Variants in APBB2 observed in about 807,000 individuals in gnomAD.
APBB2 encodes the protein Fe65-like 1.
In APBB2, 38 loss-of-function variants were observed where a neutral mutation model predicts 82.5. The observed-to-expected ratio is 0.46, with a 90% confidence interval of 0.36 to 0.60. The LOEUF (loss-of-function observed/expected upper bound fraction) is 0.60. APBB2 is among the 20% of genes least tolerant of loss of function. APBB2 has a pLI of 0.00. For missense variants in APBB2, 772 were observed against 972.3 expected (o/e 0.79, Z 2.74); for synonymous variants, 341 against 368.2 (o/e 0.93, Z 0.85).
At chr4:40,989,003 A>C (rs1407439848) in intron 6 of APBB2, among the ~76,000 whole-genome samples, 1 of 151,864 alleles carries the variant, frequency 6.6e-6, no homozygotes, top group Non-Finnish European at 1.5e-5. Context: ...CACGTGATCC[A>C]CCCGCCTTGG....
At chr4:40,838,085 G>A (rs1455691547) in intron 12 of APBB2, among the ~76,000 whole-genome samples, 1 of 150,964 alleles carries the variant, frequency 6.6e-6, no homozygotes, top group Non-Finnish European at 1.5e-5. Context: ...CACTCAATAG[G>A]GGCTTAATCC....
rs1036736176 is a variant in APBB2 at position 40,822,126 on chromosome 4, G to T, written c.1933-76C>A. On this transcript the variant is annotated intron_variant, in intron 16 of 17. Coordinates refer to ENST00000508593, the MANE Select transcript of APBB2 (RefSeq NM_004307.2). ...TAAGAGTGGCAGCACATAGGAACTG[G>T]CATTCAGAAAGTATAGCCAGGCCGA... 8 of 1,541,904 alleles carry T rather than the reference G, an allele frequency of 5.2e-6. No homozygotes were observed. In the African/African-American group the frequency reaches 8.3e-5, roughly 16 times the overall value.
rs1386445665 is a variant in APBB2, at chr4:40,827,132, C to T, written c.1732G>A (p.Val578Ile). ...ANVNLDVPLQVDFPTPKTELV... is the reference protein window; with the variant it reads ...ANVNLDVPLQIDFPTPKTELV... ...AAGACATGAGGTGCCACTGACTTAC[C>T]TTGCAAAGGGACATCGAGGTTCACA... Residue 578 changes from valine (V) to isoleucine (I), a missense_variant and splice_region_variant, in exon 14 of 18, where the codon GTA becomes ATA. Transcript: ENST00000508593. 1.9e-6 allele frequency: 3 copies of T among 1,613,988 alleles called. No individual in the cohort carries two copies. Among genetic ancestry groups the T allele is most frequent in the Non-Finnish European group, 2.5e-6 (3 of 1,179,898 alleles).
At chr4:40,884,603 C>T (rs1343946485) in intron 12 of APBB2, among the ~76,000 whole-genome samples, 1 of 151,890 alleles carries the variant, frequency 6.6e-6, no homozygotes, top group Non-Finnish European at 1.5e-5. Flanking sequence ...AAAGTGAGAC[C>T]CCGTATCTAC....
At chr4:41,185,335 G>C (rs1772602429) in intron 1 of APBB2, among the ~76,000 whole-genome samples, 1 of 152,130 alleles carries the variant, frequency 6.6e-6, no homozygotes, top group Non-Finnish European at 1.5e-5. Flanking sequence ...TGTGTACTAA[G>C]TTTTCCTAAG....
At chr4:40,842,548 A>G in intron 12 of APBB2, 5 of 329,818 alleles carry the variant, frequency 1.5e-5, no homozygotes, top group South Asian at 1.1e-4. Flanking sequence ...GGTCAACTGT[A>G]TCACCCAGAA....
chr4:40,851,909 G>A (rs933092085), intron 12 of APBB2, among the ~76,000 whole-genome samples: 7 of 151,744 alleles, frequency 4.6e-5, no homozygotes, highest in African/African-American at 1.7e-4. Context: ...ATAAGGAAAT[G>A]GCTTCTCTAG....
chr4:40,838,568 C>T (rs1302910189), intron 12 of APBB2, among the ~76,000 whole-genome samples: 3 of 152,162 alleles, frequency 2.0e-5, no homozygotes, highest in African/African-American at 4.8e-5. Flanking sequence ...ATCTCCTGAC[C>T]TCGTGATCCG....
chr4:40,971,915 G>T (rs1430265746), intron 6 of APBB2, among the ~76,000 whole-genome samples: 1 of 152,072 alleles, frequency 6.6e-6, no homozygotes, highest in Admixed American at 6.6e-5. Context: ...GTTCAGATTT[G>T]AGCTTCAACT....
intron 10 of APBB2, among the ~76,000 whole-genome samples, chr4:40,933,631 T>C (rs1207328681): frequency 1.3e-5 from 2 of 151,834 alleles, no homozygotes; most frequent in East Asian, 1.9e-4. Context: ...TCTTCCGCGG[T>C]AGAGGGCAGT....
At chr4:40,838,578 G>A (rs866547563) in intron 12 of APBB2, among the ~76,000 whole-genome samples, 19 of 152,138 alleles carry the variant, frequency 1.2e-4, no homozygotes, top group South Asian at 4.2e-4. Flanking sequence ...CTCGTGATCC[G>A]CCTGCCTCGG....
At chr4:41,173,397 G>C (rs7683632) in intron 1 of APBB2, among the ~76,000 whole-genome samples, 7,273 of 152,188 alleles carry the variant, frequency 0.048, 372 homozygotes, top group African/African-American at 0.14. Context: ...AACCAAATAC[G>C]GAGATTTCTT....
intron 1 of APBB2, among the ~76,000 whole-genome samples, chr4:41,150,265 T>C (rs1191045261): frequency 6.6e-6 from 1 of 152,198 alleles, no homozygotes. Context: ...GTGAAAAACA[T>C]GTATTAAGTG....
chr4:41,003,444 A>C (rs1451966154), intron 6 of APBB2, among the ~76,000 whole-genome samples: 1 of 152,206 alleles, frequency 6.6e-6, no homozygotes, highest in Non-Finnish European at 1.5e-5. Flanking sequence ...ACGAAAATTC[A>C]TGTCCACCCA....
chr4:41,021,328 G>T (rs1811438161), intron 5 of APBB2, among the ~76,000 whole-genome samples: 1 of 152,222 alleles, frequency 6.6e-6, no homozygotes, highest in South Asian at 2.1e-4. Context: ...AGCAGGTGGG[G>T]TGTCCTGTTT....
At chr4:41,086,047 T>A (rs1378916591) in intron 3 of APBB2, among the ~76,000 whole-genome samples, 1 of 152,144 alleles carries the variant, frequency 6.6e-6, no homozygotes, top group African/African-American at 2.4e-5. Flanking sequence ...TATAGGAGTA[T>A]AATTACCAAA....
intron 3 of APBB2, among the ~76,000 whole-genome samples, chr4:41,091,203 G>A (rs1001004812): frequency 2.0e-4 from 31 of 152,140 alleles, no homozygotes; most frequent in Admixed American, 1.9e-3. Flanking sequence ...TATCTTCTCC[G>A]GAAAAAGGGG....
At chr4:41,115,430 A>C (rs868563104) in intron 2 of APBB2, among the ~76,000 whole-genome samples, 18 of 152,246 alleles carry the variant, frequency 1.2e-4, no homozygotes, top group African/African-American at 4.3e-4. Context: ...TTCATGACTA[A>C]AACACCAAAA....
At chr4:41,030,442 G>C (rs539783543) in intron 5 of APBB2, among the ~76,000 whole-genome samples, 9 of 152,162 alleles carry the variant, frequency 5.9e-5, no homozygotes, top group African/African-American at 2.2e-4. Context: ...GCCCAGGCTG[G>C]AGTGCATTCA....
Sources: allele counts gnomAD v4.1 joint callset (sites outside exome capture counted in the v4.1 genomes callset), GRCh38; gene constraint gnomAD v4.1.1; transcripts MANE v1.5; gene names NCBI Gene and HGNC (gene_info 2026-07-23, HGNC 2026-07-21).